Variants in SBK1 observed in about 807,000 individuals in gnomAD.
The protein encoded by SBK1 is serine/threonine-protein kinase SBK1.
A neutral mutation model predicts 24.4 loss-of-function variants in SBK1; 11 were observed. That is an observed-to-expected ratio of 0.45 (90% CI 0.28 to 0.75). The LOEUF (loss-of-function observed/expected upper bound fraction) is 0.75, where lower values mean the gene tolerates loss of function less well. SBK1 is among the 30% of genes least tolerant of loss of function. The pLI is 0.12. For synonymous variants in SBK1, 308 were observed against 284.4 expected, an observed-to-expected ratio of 1.08 and a Z score of -0.83; for missense variants, 467 against 620.5, an observed-to-expected ratio of 0.75 and a Z score of 2.63.
chr16:28,260,250 G>A (rs1447152164), intron 1 of SBK1, among the ~76,000 whole-genome samples: 2 of 152,140 alleles, frequency 1.3e-5, no homozygotes, highest in African/African-American at 4.8e-5. Context: ...GAAGGGCTGT[G>A]CCTGGGGCCC....
chr16:28,320,232 G>A lies in SBK1; in HGVS notation c.586G>A (p.Gly196Ser). ...CCGCCGCGTAAAGCTGGCCGACTTC[G>A]GCATGACGCGCCGCGTGGGCTGCCG... ...ECRRVKLADF[G>S]MTRRVGCRVK... is the part of the protein sequence containing the mutation. The change falls in exon 4 of 4, where the codon GGC becomes AGC. Residue 196 changes from glycine to serine, a missense_variant. Coordinates refer to ENST00000341901, the MANE Select transcript of SBK1 (RefSeq NM_001024401.3). The surrounding 1 kb of genome is among the most constrained non-coding windows in gnomAD (Gnocchi z 8.5). 6.3e-7 allele frequency: 1 copy of A among 1,592,906 alleles called. No individual in the cohort carries two copies. The highest frequency in any genetic ancestry group is 2.2e-5 in the East Asian group (1 of 44,446).
chr16:28,291,229 CCAT>C (rs1161474812), upstream of SBK1: 1 of 152,030 alleles, frequency 6.6e-6, no homozygotes, highest in African/African-American at 2.4e-5. Context: ...AAGCTGGAAA[CCAT>C]CATTCTCAGC....
At chr16:28,313,244 A>T (rs568035298) in intron 1 of SBK1, among the ~76,000 whole-genome samples, 1 of 151,632 alleles carries the variant, frequency 6.6e-6, no homozygotes, top group African/African-American at 2.4e-5. Context: ...TCAGTGAGCC[A>T]TGGGGGCACC....
intron 1 of SBK1, among the ~76,000 whole-genome samples, chr16:28,309,089 A>G (rs1384392084): frequency 6.6e-6 from 1 of 152,142 alleles, no homozygotes; most frequent in African/African-American, 2.4e-5. Flanking sequence ...CAGACGGGCA[A>G]TCCTCCACAG....
chr16:28,306,798 A>C (rs2044719397), intron 1 of SBK1, among the ~76,000 whole-genome samples: 1 of 152,206 alleles, frequency 6.6e-6, no homozygotes, highest in Admixed American at 6.5e-5. Context: ...TGGGTGAATA[A>C]TTCTCTACGT....
upstream of SBK1, among the ~76,000 whole-genome samples, chr16:28,287,560 C>T (rs1049584013): frequency 6.6e-6 from 1 of 152,168 alleles, no homozygotes; most frequent in Non-Finnish European, 1.5e-5. Context: ...GAGGTGGCAC[C>T]TTTGAGCTGG....
chr16:28,318,027 C>T (rs2044810494), intron 2 of SBK1, among the ~76,000 whole-genome samples: 1 of 152,114 alleles, frequency 6.6e-6, no homozygotes, highest in Admixed American at 6.6e-5. Flanking sequence ...GGGTGCCACA[C>T]TTAATGGGTG....
At chr16:28,309,903 T>A (rs2044742991) in intron 1 of SBK1, among the ~76,000 whole-genome samples, 2 of 152,154 alleles carry the variant, frequency 1.3e-5, no homozygotes, top group African/African-American at 4.8e-5. Context: ...TGCATCCGTG[T>A]GTGTGTTGGT....
intron 1 of SBK1, among the ~76,000 whole-genome samples, chr16:28,297,048 G>C (rs1177352285): frequency 7.9e-5 from 12 of 152,174 alleles, no homozygotes; most frequent in Admixed American, 7.9e-4. Flanking sequence ...AAAAAATATT[G>C]GTCAGGTGCG....
chr16:28,279,885 C>T (rs565077792), intron 1 of SBK1, among the ~76,000 whole-genome samples: 2 of 151,864 alleles, frequency 1.3e-5, no homozygotes, highest in East Asian at 1.9e-4. Flanking sequence ...AACTGAAGCA[C>T]GGGGGGACAT....
chr16:28,287,820 T>C (rs966308057), upstream of SBK1, among the ~76,000 whole-genome samples: 1 of 152,082 alleles, frequency 6.6e-6, no homozygotes, highest in Non-Finnish European at 1.5e-5. Flanking sequence ...CGTGCCACCA[T>C]GCCCAGCTAA....
intron 1 of SBK1, among the ~76,000 whole-genome samples, chr16:28,280,149 A>ATATATGTGTGTGTGTGTGTG (rs1230385223): frequency 3.3e-4 from 13 of 39,398 alleles, no homozygotes; most frequent in South Asian, 8.4e-4. Context: ...ATATATATAT[A>ATATATGTGTGTGTGTGTGTG]TGTGTGTGTG....
rs560902966 is a variant in SBK1 at position 28,274,864 on chromosome 16, G to A, written c.257+15362G>A. On this transcript the variant is annotated intron_variant, in intron 1 of 3. Coordinates refer to the SBK1 transcript ENST00000671413. ...GGGGATAGGATGTGGGAGTGGGTGG[G>A]AGAGGGAGTGGTTGGACATAAGGAG... Among the ~76,000 whole-genome samples, 5 of 152,270 alleles carry A rather than the reference G, an allele frequency of 3.3e-5. No homozygotes were observed. In the South Asian group the frequency reaches 1.0e-3, roughly 31 times the overall value.
Position 28,322,788 on chromosome 16 carries a change from G to A in SBK1, c.*1867G>A, listed in dbSNP as rs2044861118. ...CCCCGGCCCACCTGGAGCCCATCGGGGCTGCCTCTCCCAGCCGCGACTTCT... is the reference window on the plus strand; with the variant it reads ...CCCCGGCCCACCTGGAGCCCATCGGAGCTGCCTCTCCCAGCCGCGACTTCT... On this transcript the variant is annotated 3_prime_UTR_variant, in exon 4 of 4. Transcript: ENST00000341901. 6.5e-6 allele frequency: 1 copy of A among 152,690 alleles called. No homozygotes were observed. Among genetic ancestry groups the A allele is most frequent in the Admixed American group, 6.5e-5 (1 of 15,268 alleles). The allele number at this position is 152,690 out of a possible 1,614,324, so 9.5% of individuals were successfully genotyped here.
intron 1 of SBK1, among the ~76,000 whole-genome samples, chr16:28,300,203 G>A (rs1030938822): frequency 1.3e-5 from 2 of 152,208 alleles, no homozygotes; most frequent in Admixed American, 1.3e-4. Context: ...TACATAGTAG[G>A]TGCTCAACAA....
At chr16:28,280,149 A>ATATATATATGTG (rs1230385223) in intron 1 of SBK1, among the ~76,000 whole-genome samples, 68 of 39,392 alleles carry the variant, frequency 1.7e-3, no homozygotes, top group African/African-American at 5.0e-3. Context: ...ATATATATAT[A>ATATATATATGTG]TGTGTGTGTG....
chr16:28,317,505 C>T lies in SBK1; in HGVS notation c.114C>T (p.Ala38=). The T allele has an allele frequency of 6.2e-7, 1 of 1,614,126 alleles. No homozygotes were observed. The highest frequency in any genetic ancestry group is 8.5e-7 in the Non-Finnish European group (1 of 1,180,020). ...GVPLLTEDMQ[A]LTLRTLAASD... ...CCCTTCTCACTGAAGACATGCAGGC[C>T]CTGACTCTCCGCACACTGGCCGCCA... is the stretch of plus-strand genomic sequence containing the variant. The change falls in exon 2 of 4, where the codon GCC becomes GCT. Residue 38 remains alanine (A), a synonymous_variant. Coordinates refer to ENST00000341901, the MANE Select transcript of SBK1 (RefSeq NM_001024401.3). This position sits in a 1 kb window ranked among gnomAD's most constrained non-coding sequence, Gnocchi z 4.2.
At chr16:28,261,604 T>C (rs1459989285) in intron 1 of SBK1, among the ~76,000 whole-genome samples, 1 of 152,072 alleles carries the variant, frequency 6.6e-6, no homozygotes, top group Non-Finnish European at 1.5e-5. Context: ...CACTCCAGCC[T>C]AGGCGACAGA....
upstream of SBK1, among the ~76,000 whole-genome samples, chr16:28,288,547 T>C (rs1198413547): frequency 6.6e-6 from 1 of 152,218 alleles, no homozygotes; most frequent in Non-Finnish European, 1.5e-5. Flanking sequence ...GTTCTTTCTT[T>C]CTTCACTATC....
Sources: gnomAD v4.1 joint callset for allele counts (sites outside exome capture counted in the v4.1 genomes callset) on GRCh38, gnomAD v4.1.1 for gene constraint, Gnocchi (gnomAD v3.1) non-coding constraint, MANE v1.5 for transcripts, NCBI Gene and HGNC (gene_info 2026-07-23, HGNC 2026-07-21) for gene names.